The following LRRTM4 variants were observed in gnomAD, a reference collection of about 807,000 sequenced individuals.
The protein encoded by LRRTM4 is leucine rich repeat transmembrane neuronal 4.
In LRRTM4, 25 loss-of-function variants were observed where a neutral mutation model predicts 47.6. The observed-to-expected ratio is 0.53, with a 90% CI of 0.38 to 0.73. LRRTM4 has a LOEUF of 0.73. Ranked by LOEUF, LRRTM4 falls within the 30% of genes least tolerant of loss-of-function variation. The pLI is 0.00. For missense variants in LRRTM4, 638 were observed against 713.4 expected (o/e 0.89, Z 1.20); for synonymous variants, 311 against 269.5 (o/e 1.15, Z -1.51).
At chr2:76,816,955 A>C (rs996773896) in intron 3 of LRRTM4, among the ~76,000 whole-genome samples, 1 of 150,494 alleles carries the variant, frequency 6.6e-6, no homozygotes, top group Non-Finnish European at 1.5e-5. Flanking sequence ...AGAGTATTGC[A>C]GTCTATAGAG....
intron 3 of LRRTM4, among the ~76,000 whole-genome samples, chr2:77,147,699 C>G (rs1365617477): frequency 6.6e-6 from 1 of 152,156 alleles, no homozygotes. Flanking sequence ...TCATTTAAAA[C>G]TCCCCCTTGG....
intron 3 of LRRTM4, among the ~76,000 whole-genome samples, chr2:76,867,598 C>T (rs1672503245): frequency 1.3e-5 from 2 of 152,084 alleles, no homozygotes; most frequent in African/African-American, 2.4e-5. Context: ...GAGATACTTG[C>T]CATTAGCTTA....
At chr2:77,047,343 T>C (rs1256966394) in intron 3 of LRRTM4, among the ~76,000 whole-genome samples, 1 of 152,026 alleles carries the variant, frequency 6.6e-6, no homozygotes, top group Non-Finnish European at 1.5e-5. Flanking sequence ...AAGTGCAATA[T>C]ATTAGTTTGC....
chr2:76,844,568 C>G (rs1013071722), intron 3 of LRRTM4, among the ~76,000 whole-genome samples: 2 of 151,994 alleles, frequency 1.3e-5, no homozygotes, highest in African/African-American at 2.4e-5. Context: ...TTTTACTACT[C>G]TATAATGTAG....
intron 3 of LRRTM4, among the ~76,000 whole-genome samples, chr2:77,170,572 T>A (rs1310515499): frequency 6.6e-6 from 1 of 152,114 alleles, no homozygotes; most frequent in African/African-American, 2.4e-5. Flanking sequence ...GACATTATGT[T>A]TGTAGTAACT....
At chr2:77,351,614 TTA>T (rs71656252) in intron 3 of LRRTM4, among the ~76,000 whole-genome samples, 2,717 of 135,206 alleles carry the variant, frequency 0.02, 18 homozygotes, top group East Asian at 0.043. Context: ...CATGACAAAT[TTA>T]TATATATATA....
chr2:77,013,673 C>T (rs1677955640), intron 3 of LRRTM4, among the ~76,000 whole-genome samples: 1 of 152,074 alleles, frequency 6.6e-6, no homozygotes, highest in Non-Finnish European at 1.5e-5. Context: ...ATGCCAGCTC[C>T]TAAAGAAAAC....
At chr2:76,797,458 G>A (rs1675402536) in intron 3 of LRRTM4, among the ~76,000 whole-genome samples, 2 of 152,138 alleles carry the variant, frequency 1.3e-5, no homozygotes, top group East Asian at 1.9e-4. Flanking sequence ...AAGAGCTCCT[G>A]AAGAAAGCAC....
At chr2:77,299,622 C>G (rs181278903) in intron 3 of LRRTM4, among the ~76,000 whole-genome samples, 88 of 151,866 alleles carry the variant, frequency 5.8e-4, no homozygotes, top group African/African-American at 2.0e-3. Flanking sequence ...TCATCTAGTT[C>G]CAAAATAGAA....
rs931897231 is a variant in LRRTM4, at chr2:77,422,335, A to G, written c.1551+95983T>C. ...TTATGGCTGTTAACACTACATAAAC[A>G]TGAAAGAGCAAAACACCATATAAGC... On this transcript the variant is annotated intron_variant, in intron 3 of 3. Transcript: ENST00000409884. Among the ~76,000 whole-genome samples the G allele has an allele frequency of 2.6e-5, 4 of 152,352 alleles. No homozygotes were observed. In the South Asian group the frequency reaches 6.2e-4, roughly 24 times the overall value.
intron 3 of LRRTM4, among the ~76,000 whole-genome samples, chr2:77,134,503 C>G (rs1671881553): frequency 6.6e-6 from 1 of 152,090 alleles, no homozygotes; most frequent in Admixed American, 6.6e-5. Flanking sequence ...TGCATTTTCT[C>G]TATTTATGGA....
chr2:77,128,407 T>TAGATAGATAGAC (rs1558593990), intron 3 of LRRTM4, among the ~76,000 whole-genome samples: 1 of 151,912 alleles, frequency 6.6e-6, no homozygotes. Context: ...GATAGATAGA[T>TAGATAGATAGAC]AGATAGATAG....
intron 3 of LRRTM4, among the ~76,000 whole-genome samples, chr2:77,094,360 A>T (rs1670748628): frequency 1.3e-5 from 2 of 152,108 alleles, no homozygotes; most frequent in Admixed American, 6.5e-5. Context: ...TAATTTCAGA[A>T]GAGATCTACA....
intron 3 of LRRTM4, among the ~76,000 whole-genome samples, chr2:77,304,560 A>G (rs529186425): frequency 1.9e-4 from 29 of 152,244 alleles, no homozygotes; most frequent in African/African-American, 7.0e-4. Flanking sequence ...TACTTGAGAC[A>G]TAGGATGAAT....
chr2:77,378,975 GT>G (rs1558715814), intron 3 of LRRTM4, among the ~76,000 whole-genome samples: 1 of 151,960 alleles, frequency 6.6e-6, no homozygotes, highest in Non-Finnish European at 1.5e-5. Flanking sequence ...CACTGAAAAT[GT>G]TTTTTGTTCA....
intron 3 of LRRTM4, among the ~76,000 whole-genome samples, chr2:76,930,313 C>G (rs1674728125): frequency 6.6e-6 from 1 of 152,134 alleles, no homozygotes; most frequent in African/African-American, 2.4e-5. Flanking sequence ...TCTCATGATG[C>G]TCAGGTGCGT....
intron 3 of LRRTM4, among the ~76,000 whole-genome samples, chr2:77,377,397 A>G (rs1672877874): frequency 6.6e-6 from 1 of 151,974 alleles, no homozygotes; most frequent in African/African-American, 2.4e-5. Context: ...TGTATGTGTA[A>G]TATTATTCTG....
At chr2:76,749,673 G>A (rs13014978) in intron 3 of LRRTM4, among the ~76,000 whole-genome samples, 36,553 of 152,028 alleles carry the variant, frequency 0.24, 4,837 homozygotes, top group East Asian at 0.5. Flanking sequence ...ATGGTCTGCA[G>A]AAATTCATTT....
intron 3 of LRRTM4, among the ~76,000 whole-genome samples, chr2:77,103,590 A>T (rs1481833877): frequency 4.6e-5 from 7 of 150,598 alleles, no homozygotes; most frequent in Non-Finnish European, 8.8e-5. Context: ...CTAAAATTGC[A>T]TGTTGTTTTT....
Sources: allele counts gnomAD v4.1 joint callset (sites outside exome capture counted in the v4.1 genomes callset), GRCh38; gene constraint gnomAD v4.1.1; transcripts MANE v1.5; gene names NCBI Gene and HGNC (gene_info 2026-07-23, HGNC 2026-07-21).